MINAR2: variants seen among roughly 807,000 people sequenced by gnomAD.
MINAR2 encodes the protein major intrinsically disordered NOTCH2-binding receptor 1-like.
A neutral mutation model predicts 16.1 loss-of-function variants in MINAR2; 21 were observed. That is an observed-to-expected ratio of 1.31 (90% CI 0.93 to 1.88). The LOEUF (loss-of-function observed/expected upper bound fraction) is 1.88, where lower values mean the gene tolerates loss of function less well. Ranked by LOEUF, MINAR2 falls within the 40% of genes most tolerant of loss-of-function variation. The pLI, the probability that MINAR2 is intolerant of heterozygous loss-of-function variation, is 0.00. For missense variants in MINAR2, 259 were observed against 229.8 expected (o/e 1.13, Z -0.82); for synonymous variants, 86 against 83.0 (o/e 1.04, Z -0.20).
In MINAR2 at chr5:129,765,146, A is replaced by C. The variant is rs980033540; in HGVS notation, c.*83A>C. 30 of 751,914 alleles carry C rather than the reference A, an allele frequency of 4.0e-5. No homozygotes were observed. Among genetic ancestry groups the C allele is most frequent in the Non-Finnish European group, 4.6e-5 (25 of 539,456 alleles). 46.6% of individuals were successfully genotyped at this position (751,914 alleles called of 1,614,324 possible). A position where few individuals can be genotyped will look rare whatever the true frequency, so the allele number is the denominator to read the frequency against. ...TTGAAACCCCCCCCACCAAAATAAC[A>C]AAAAAACACATGTACATGCAGTGTG... On this transcript the variant is annotated 3_prime_UTR_variant, in exon 3 of 3. Coordinates refer to ENST00000564719, the MANE Select transcript of MINAR2 (RefSeq NM_001257308.2).
In MINAR2 at chr5:129,748,278, C is replaced by T. The variant is rs1054804283; in HGVS notation, c.88C>T (p.Leu30Phe). The T allele has an allele frequency of 6.5e-7, 1 of 1,535,264 alleles. No individual in the cohort carries two copies. ...GTCTTTAACGAGGAGCTCAGCCCTC[C>T]TTCAGGCCAGCCTGGTGAGGTTTCC... ...VKSLTRSSALLQASLVRFPGG... is the reference protein window; with the variant it reads ...VKSLTRSSALFQASLVRFPGG... Residue 30 changes from leucine (L) to phenylalanine (F), a missense_variant, in exon 1 of 3, where the codon CTT becomes TTT. Leu to Phe is a conservative substitution (Grantham distance 22). Coordinates refer to ENST00000564719, the MANE Select transcript of MINAR2 (RefSeq NM_001257308.2).
intron 2 of MINAR2, among the ~76,000 whole-genome samples, chr5:129,764,664 T>C (rs1017255334): frequency 6.6e-6 from 1 of 152,132 alleles, no homozygotes; most frequent in Admixed American, 6.5e-5. Context: ...AAATTGGAAT[T>C]GCAGGGATTC....
chr5:129,762,568 TG>T, intron 2 of MINAR2: 1 of 348,574 alleles, frequency 2.9e-6, no homozygotes, highest in Non-Finnish European at 5.7e-6. Context: ...CTGCTCTTTG[TG>T]GAATTAGTCC....
At chr5:129,761,563 T>C (rs1758136080) in intron 2 of MINAR2, among the ~76,000 whole-genome samples, 1 of 152,198 alleles carries the variant, frequency 6.6e-6, no homozygotes. Context: ...AGATTGAATG[T>C]ATCTCCTCCT....
At chr5:129,761,688 T>C (rs1284384278) in intron 2 of MINAR2, among the ~76,000 whole-genome samples, 3 of 152,132 alleles carry the variant, frequency 2.0e-5, no homozygotes, top group African/African-American at 7.2e-5. Context: ...CCAAGAGTCT[T>C]AAGGACATCT....
At chr5:129,757,787 A>T (rs557114587) in intron 1 of MINAR2, among the ~76,000 whole-genome samples, 2 of 152,120 alleles carry the variant, frequency 1.3e-5, no homozygotes, top group South Asian at 2.1e-4. Context: ...TAAAATTCAC[A>T]AATTAGTGAT....
intron 2 of MINAR2, among the ~76,000 whole-genome samples, chr5:129,764,082 T>C (rs1489254651): frequency 6.6e-6 from 1 of 152,078 alleles, no homozygotes; most frequent in Admixed American, 6.6e-5. Flanking sequence ...AGAGATGTAA[T>C]AGGAAAAAAA....
At chr5:129,748,565 C>T (rs968260026) in intron 1 of MINAR2, among the ~76,000 whole-genome samples, 2 of 152,060 alleles carry the variant, frequency 1.3e-5, no homozygotes, top group African/African-American at 4.8e-5. Context: ...TCATTAATTC[C>T]CCTCCTAGCA....
At chr5:129,763,961 T>C (rs1236525942) in intron 2 of MINAR2, among the ~76,000 whole-genome samples, 3 of 152,228 alleles carry the variant, frequency 2.0e-5, no homozygotes, top group Non-Finnish European at 4.4e-5. Flanking sequence ...ATAAAGCAGA[T>C]GAAATATAAT....
At chr5:129,763,769 C>T (rs555409285) in intron 2 of MINAR2, among the ~76,000 whole-genome samples, 1 of 152,310 alleles carries the variant, frequency 6.6e-6, no homozygotes, top group African/African-American at 2.4e-5. Context: ...AATCTATCCT[C>T]GCTTTCTATT....
At chr5:129,757,631 A>G (rs888769188) in intron 1 of MINAR2, among the ~76,000 whole-genome samples, 1 of 151,706 alleles carries the variant, frequency 6.6e-6, no homozygotes, top group East Asian at 1.9e-4. Flanking sequence ...TCTTTTTCCT[A>G]CTGCTCTGGT....
At position 129,748,363 on chromosome 5, in the gene MINAR2, C is replaced by G; in HGVS notation, c.165+8C>G. The G allele has an allele frequency of 6.5e-7, 1 of 1,530,980 alleles. No homozygotes were observed. The highest frequency in any genetic ancestry group is 1.2e-5 in the South Asian group (1 of 83,256). The allele number at this position is 1,530,980 out of a possible 1,614,324, so 94.8% of individuals were successfully genotyped here. ...AACCTTGTCTACTCACAGGTAAGAT[C>G]TAGGGGCACAAAAATACGGGGATGG... is the stretch of plus-strand genomic sequence containing the variant. On this transcript the variant is annotated splice_region_variant and intron_variant, in intron 1 of 2. Transcript: ENST00000564719.
chr5:129,761,720 GA>G (rs1361115759), intron 2 of MINAR2, among the ~76,000 whole-genome samples: 6 of 151,328 alleles, frequency 4.0e-5, no homozygotes, highest in African/African-American at 4.9e-5. Context: ...CCTACTATTA[GA>G]AAAAAAAGTA....
chr5:129,756,398 A>C (rs1003170626), intron 1 of MINAR2, among the ~76,000 whole-genome samples: 1 of 151,322 alleles, frequency 6.6e-6, no homozygotes, highest in South Asian at 2.1e-4. Context: ...TTTAGTGGTG[A>C]TTTATGAGAT....
chr5:129,752,794 T>C (rs963947809), intron 1 of MINAR2, among the ~76,000 whole-genome samples: 2 of 151,734 alleles, frequency 1.3e-5, no homozygotes, highest in African/African-American at 4.8e-5. Context: ...TTTTTTTCCA[T>C]TTATTGTGGT....
chr5:129,748,262 G>A lies in MINAR2; in HGVS notation c.72G>A (p.Thr24=), dbSNP rs538073106. The change falls in exon 1 of 3, where the codon ACG becomes ACA. Residue 24 remains threonine (T), a synonymous_variant. Transcript: ENST00000564719. ...TGCAGCTTGACGTAAAGTCTTTAAC[G>A]AGGAGCTCAGCCCTCCTTCAGGCCA... ...KFLQLDVKSL[T]RSSALLQASL... is the part of the protein sequence containing the mutation. The A allele has an allele frequency of 5.9e-6, 9 of 1,535,204 alleles. No individual in the cohort carries two copies. Among genetic ancestry groups the A allele is most frequent in the Middle Eastern group, 1.7e-4 (1 of 5,980 alleles).
intron 1 of MINAR2, among the ~76,000 whole-genome samples, chr5:129,753,211 G>A (rs950218000): frequency 6.6e-6 from 1 of 152,002 alleles, no homozygotes; most frequent in African/African-American, 2.4e-5. Context: ...GGGGCCGGGT[G>A]CCATGGCTCA....
At chr5:129,762,844 T>A (rs142465066) in intron 2 of MINAR2, among the ~76,000 whole-genome samples, 1,666 of 152,242 alleles carry the variant, frequency 0.011, 32 homozygotes, top group African/African-American at 0.037. Flanking sequence ...AATAAACTTA[T>A]GGGCTTGAAG....
Position 129,748,265 on chromosome 5 carries a change from G to T in MINAR2, c.75G>T (p.Arg25Ser). 2 of 1,535,228 alleles carry T rather than the reference G, an allele frequency of 1.3e-6. No individual in the cohort carries two copies. The highest frequency in any genetic ancestry group is 1.4e-5 in the African/African-American group (1 of 73,128). Residue 25 changes from arginine (R) to serine (S), a missense_variant, in exon 1 of 3, where the codon AGG becomes AGT. Coordinates refer to ENST00000564719, the MANE Select transcript of MINAR2 (RefSeq NM_001257308.2). ...FLQLDVKSLTRSSALLQASLV... is the reference protein window; with the variant it reads ...FLQLDVKSLTSSSALLQASLV... The stretch of plus-strand genomic sequence containing the variant: ...AGCTTGACGTAAAGTCTTTAACGAG[G>T]AGCTCAGCCCTCCTTCAGGCCAGCC...
Sources: gnomAD v4.1 joint callset for allele counts (sites outside exome capture counted in the v4.1 genomes callset) on GRCh38, gnomAD v4.1.1 for gene constraint, MANE v1.5 for transcripts, NCBI Gene and HGNC (gene_info 2026-07-23, HGNC 2026-07-21) for gene names.